The following SORCS3 variants were observed in gnomAD, a reference collection of about 807,000 sequenced individuals.
SORCS3 encodes the protein sortilin related VPS10 domain containing receptor 3.
Under a neutral mutation model 146.3 loss-of-function variants are expected in SORCS3, and 57 were observed. The observed-to-expected ratio is 0.39, with a 90% CI of 0.31 to 0.49. SORCS3 has a LOEUF of 0.49. Ranked by LOEUF, SORCS3 falls within the 20% of genes least tolerant of loss-of-function variation. The pLI, the probability that SORCS3 is intolerant of heterozygous loss-of-function variation, is 0.92. For synonymous variants in SORCS3, 653 were observed against 618.5 expected (o/e 1.06, Z -0.83); for missense variants, 1,341 against 1,575.5 (o/e 0.85, Z 2.52).
At chr10:105,180,858 T>C (rs553833611) in intron 14 of SORCS3, among the ~76,000 whole-genome samples, 2 of 152,358 alleles carry the variant, frequency 1.3e-5, no homozygotes, top group Non-Finnish European at 2.9e-5. Flanking sequence ...TCAGTTCTCA[T>C]AGCCTGCCAG....
At chr10:104,942,796 GTAGT>G (rs1442324756) in intron 3 of SORCS3, among the ~76,000 whole-genome samples, 1 of 152,218 alleles carries the variant, frequency 6.6e-6, no homozygotes, top group Admixed American at 6.5e-5. Flanking sequence ...GAGATAAAGT[GTAGT>G]TTTTAAGAAG....
chr10:105,015,913 A>G lies in SORCS3; in HGVS notation c.955-27142A>G, dbSNP rs1012880752. Among the ~76,000 whole-genome samples, 26 of 151,030 alleles carry G rather than the reference A, an allele frequency of 1.7e-4. No individual in the cohort carries two copies. In the East Asian group the frequency reaches 4.9e-3, roughly 29 times the overall value. ...CCTGGCTAATTTTTATGTTTTTAGT[A>G]GAGATGGGGTTTCGCCATGTTGGTC... On this transcript the variant is annotated intron_variant, in intron 4 of 26. Transcript: ENST00000369701.
intron 8 of SORCS3, among the ~76,000 whole-genome samples, chr10:105,142,830 A>G (rs2056104921): frequency 6.6e-6 from 1 of 152,220 alleles, no homozygotes; most frequent in Non-Finnish European, 1.5e-5. Context: ...TTTATTTGAC[A>G]GTAGAATATG....
chr10:104,950,643 G>A (rs1342071792), intron 3 of SORCS3, among the ~76,000 whole-genome samples: 3 of 152,158 alleles, frequency 2.0e-5, no homozygotes. Flanking sequence ...CATTTGAATA[G>A]AAGGGCTAGC....
chr10:104,979,075 C>A (rs2054918393), intron 4 of SORCS3, among the ~76,000 whole-genome samples: 1 of 152,164 alleles, frequency 6.6e-6, no homozygotes, highest in Non-Finnish European at 1.5e-5. Flanking sequence ...CCGTAAACTC[C>A]CTGATGAAAT....
At chr10:105,202,633 C>T (rs2056580660) in intron 16 of SORCS3, among the ~76,000 whole-genome samples, 1 of 152,130 alleles carries the variant, frequency 6.6e-6, no homozygotes, top group Non-Finnish European at 1.5e-5. Flanking sequence ...AATGTAAGTG[C>T]TGGGAATGCA....
intron 3 of SORCS3, among the ~76,000 whole-genome samples, chr10:104,960,263 C>T (rs540322274): frequency 2.5e-4 from 38 of 152,284 alleles, no homozygotes; most frequent in African/African-American, 8.4e-4. Flanking sequence ...CTCACGATAA[C>T]TTGAAGGTTA....
At chr10:105,205,793 T>G (rs551273689) in intron 16 of SORCS3, among the ~76,000 whole-genome samples, 1 of 152,354 alleles carries the variant, frequency 6.6e-6, no homozygotes, top group South Asian at 2.1e-4. Context: ...ATGAATTATC[T>G]TAATCTTCTC....
chr10:105,215,228 A>G (rs2056658045), intron 18 of SORCS3, among the ~76,000 whole-genome samples: 1 of 152,192 alleles, frequency 6.6e-6, no homozygotes, highest in African/African-American at 2.4e-5. Flanking sequence ...CAGTATGGGA[A>G]TATCTCTGTT....
intron 1 of SORCS3, among the ~76,000 whole-genome samples, chr10:104,824,958 C>A (rs1245352950): frequency 6.6e-6 from 1 of 152,192 alleles, no homozygotes; most frequent in East Asian, 1.9e-4. Context: ...ACACACCAGG[C>A]AAAATGAACT....
At chr10:105,053,757 T>A (rs1236550582) in intron 5 of SORCS3, among the ~76,000 whole-genome samples, 2 of 152,042 alleles carry the variant, frequency 1.3e-5, no homozygotes, top group Non-Finnish European at 2.9e-5. Context: ...TATGGATATA[T>A]AATAAATGTA....
At chr10:105,125,210 C>A (rs10732794) in intron 7 of SORCS3, among the ~76,000 whole-genome samples, 73,570 of 151,948 alleles carry the variant, frequency 0.48, 18,344 homozygotes, top group Non-Finnish European at 0.54. Flanking sequence ...AAGATTTGTC[C>A]TAAACCTTCT....
chr10:104,913,271 G>A (rs1229381546), intron 2 of SORCS3, among the ~76,000 whole-genome samples: 1 of 152,120 alleles, frequency 6.6e-6, no homozygotes, highest in African/African-American at 2.4e-5. Context: ...TCAAATTGGG[G>A]GATCGTTGAA....
At chr10:104,886,014 CA>C (rs1446466448) in intron 2 of SORCS3, among the ~76,000 whole-genome samples, 25 of 152,122 alleles carry the variant, frequency 1.6e-4, no homozygotes, top group Admixed American at 1.3e-4. Flanking sequence ...ACCCATTTAA[CA>C]GCTGAAAAAA....
intron 1 of SORCS3, among the ~76,000 whole-genome samples, chr10:104,731,045 A>C (rs1337504615): frequency 1.3e-5 from 2 of 152,168 alleles, no homozygotes; most frequent in South Asian, 4.1e-4. Context: ...TGTATTTATC[A>C]TGGTTGGAAG....
At chr10:105,188,096 A>G (rs1589679626) in intron 14 of SORCS3, among the ~76,000 whole-genome samples, 1 of 152,172 alleles carries the variant, frequency 6.6e-6, no homozygotes, top group Non-Finnish European at 1.5e-5. Flanking sequence ...GGGTACCTCT[A>G]ACTTCCAAAG....
intron 9 of SORCS3, among the ~76,000 whole-genome samples, chr10:105,149,261 A>C (rs1301538300): frequency 6.6e-6 from 1 of 152,162 alleles, no homozygotes; most frequent in Non-Finnish European, 1.5e-5. Flanking sequence ...AGAGATGATA[A>C]CATAAAGGCA....
At chr10:104,747,760 A>G (rs1564674380) in intron 1 of SORCS3, among the ~76,000 whole-genome samples, 1 of 152,214 alleles carries the variant, frequency 6.6e-6, no homozygotes, top group Non-Finnish European at 1.5e-5. Flanking sequence ...AGGAGGCATC[A>G]GTAGAAAATA....
At chr10:105,069,905 C>T (rs1319820289) in intron 5 of SORCS3, among the ~76,000 whole-genome samples, 1 of 152,130 alleles carries the variant, frequency 6.6e-6, no homozygotes, top group Non-Finnish European at 1.5e-5. Context: ...CCAAGTCTCC[C>T]CCGCCCCGAT....
Sources: allele counts gnomAD v4.1 joint callset (sites outside exome capture counted in the v4.1 genomes callset), GRCh38; gene constraint gnomAD v4.1.1; transcripts MANE v1.5; gene names NCBI Gene and HGNC (gene_info 2026-07-23, HGNC 2026-07-21).